RANBP2: variants seen among roughly 807,000 people sequenced by gnomAD.
RANBP2 encodes the protein E3 SUMO-protein ligase RanBP2.
In RANBP2, 57 loss-of-function variants were observed where a neutral mutation model predicts 303.6. The observed-to-expected ratio is 0.19, with a 90% CI of 0.15 to 0.23. RANBP2 has a LOEUF of 0.23. Among genes scored for constraint, RANBP2 ranks in the 10% least tolerant of loss-of-function variants. RANBP2 has a pLI of 1.00. For missense variants in RANBP2, 3,138 were observed against 3,780.8 expected, an observed-to-expected ratio of 0.83 and a Z score of 4.46; for synonymous variants, 1,167 against 1,301.5, an observed-to-expected ratio of 0.90 and a Z score of 2.23.
At chr2:109,568,985 A>G in the RANBP2 span, among the ~76,000 whole-genome samples, 11 of 152,342 alleles carry the variant, frequency 7.2e-5, no homozygotes, top group African/African-American at 1.7e-4. Context: ...ATCTAGTTCT[A>G]TAAGATTAAT....
chr2:108,940,280 C>T, the RANBP2 span: 1 of 152,462 alleles, frequency 6.6e-6, no homozygotes, highest in Non-Finnish European at 1.5e-5. Context: ...GCAGAAGGTG[C>T]CCACATGGGT....
At chr2:109,459,240 T>G in the RANBP2 span, among the ~76,000 whole-genome samples, 1 of 152,290 alleles carries the variant, frequency 6.6e-6, no homozygotes, top group African/African-American at 2.4e-5. Context: ...ATATACACAT[T>G]CACACAGACA....
the RANBP2 span, among the ~76,000 whole-genome samples, chr2:109,458,831 C>T: frequency 6.6e-6 from 1 of 152,208 alleles, no homozygotes; most frequent in Non-Finnish European, 1.5e-5. Flanking sequence ...TTAAGGTAAA[C>T]TGGCTGTAGA....
chr2:109,332,822 G>A, the RANBP2 span, among the ~76,000 whole-genome samples: 872 of 152,324 alleles, frequency 5.7e-3, 9 homozygotes, highest in African/African-American at 0.02. Flanking sequence ...CCTTTTTAAC[G>A]TGCACAGTAT....
the RANBP2 span, among the ~76,000 whole-genome samples, chr2:109,743,360 T>C: frequency 6.7e-6 from 1 of 148,936 alleles, no homozygotes. Context: ...AAATGCAAAA[T>C]GATAAAACTT....
At chr2:109,495,857 G>A in the RANBP2 span, among the ~76,000 whole-genome samples, 1 of 152,056 alleles carries the variant, frequency 6.6e-6, no homozygotes, top group South Asian at 2.1e-4. Flanking sequence ...ACATGTCTGG[G>A]TATAATACTT....
the RANBP2 span, among the ~76,000 whole-genome samples, chr2:109,307,525 A>C: frequency 6.9e-6 from 1 of 145,508 alleles, no homozygotes; most frequent in Non-Finnish European, 1.5e-5. Flanking sequence ...TGCACCCACT[A>C]ACTCGTCATC....
At chr2:109,548,776 A>T in the RANBP2 span, among the ~76,000 whole-genome samples, 24 of 9,502 alleles carry the variant, frequency 2.5e-3, no homozygotes, top group African/African-American at 0.014. Flanking sequence ...GCTCCATCTC[A>T]AAAAAAAAAA....
chr2:109,184,074 C>T, the RANBP2 span, among the ~76,000 whole-genome samples: 2 of 152,212 alleles, frequency 1.3e-5, no homozygotes, highest in African/African-American at 2.4e-5. Flanking sequence ...TCTCTGTGAA[C>T]GTGGGGTGTT....
At chr2:108,927,857 A>G in the RANBP2 span, among the ~76,000 whole-genome samples, 3 of 152,042 alleles carry the variant, frequency 2.0e-5, no homozygotes, top group African/African-American at 7.3e-5. Context: ...AAATGGCACT[A>G]TTTCCACATG....
chr2:109,533,531 G>A, the RANBP2 span, among the ~76,000 whole-genome samples: 14 of 152,268 alleles, frequency 9.2e-5, no homozygotes, highest in South Asian at 6.2e-4. Flanking sequence ...AGGAGGCTGC[G>A]GATGGGTAAA....
At chr2:109,766,664 A>G in the RANBP2 span, among the ~76,000 whole-genome samples, 1 of 148,550 alleles carries the variant, frequency 6.7e-6, no homozygotes, top group Admixed American at 7.0e-5. Flanking sequence ...ACACTTGAGC[A>G]ACTTGAACAA....
At chr2:109,352,226 A>G in the RANBP2 span, among the ~76,000 whole-genome samples, 1 of 152,348 alleles carries the variant, frequency 6.6e-6, no homozygotes. Flanking sequence ...TTCCTGTCTC[A>G]GGAAAAGTTG....
the RANBP2 span, among the ~76,000 whole-genome samples, chr2:109,729,817 G>A: frequency 1.3e-5 from 2 of 152,156 alleles, no homozygotes; most frequent in African/African-American, 2.4e-5. Flanking sequence ...CTGAGACTGG[G>A]TAATTTATAA....
the RANBP2 span, among the ~76,000 whole-genome samples, chr2:109,726,037 C>G: frequency 2.1e-5 from 3 of 144,952 alleles, no homozygotes; most frequent in Non-Finnish European, 4.5e-5. Context: ...CCAGCTGAGG[C>G]TGGTTTTTGT....
rs758152724 is a variant in RANBP2 at position 108,768,010 on chromosome 2, G to A, written c.7471G>A (p.Ala2491Thr). 1.2e-6 allele frequency: 2 copies of A among 1,611,742 alleles called. No homozygotes were observed. The highest frequency in any genetic ancestry group is 3.3e-5 in the Admixed American group (2 of 60,012). ...DVIQGDDVAD[A>T]TSEVEVSSTS... Reference sequence around the variant, plus strand: ...TATTCAGGGTGATGATGTAGCAGATGCAACTTCAGAAGTTGAAGTGTCTAG... The same window carrying A: ...TATTCAGGGTGATGATGTAGCAGATACAACTTCAGAAGTTGAAGTGTCTAG... The change falls in exon 20 of 29, where the codon GCA becomes ACA. Residue 2491 changes from alanine to threonine, a missense_variant. This residue lies in a region of RANBP2 where 497 missense variants were observed against 465.8 expected (regional missense o/e 1.07). Transcript: ENST00000283195.
At chr2:108,923,304 C>A in the RANBP2 span, 1 of 1,501,458 alleles carries the variant, frequency 6.7e-7, no homozygotes, top group South Asian at 1.1e-5. Flanking sequence ...TTCCTACACC[C>A]TCTGTAGTGA....
At chr2:109,540,213 A>G in the RANBP2 span, among the ~76,000 whole-genome samples, 4 of 152,246 alleles carry the variant, frequency 2.6e-5, 1 homozygote, top group Admixed American at 2.6e-4. Context: ...AGTCAACTCT[A>G]TGCTCCACAT....
the RANBP2 span, among the ~76,000 whole-genome samples, chr2:109,684,090 C>T: frequency 6.6e-6 from 1 of 151,372 alleles, no homozygotes; most frequent in South Asian, 2.1e-4. Context: ...TACAGCCATG[C>T]ACCATCATGC....
Sources: allele counts gnomAD v4.1 joint callset (sites outside exome capture counted in the v4.1 genomes callset), GRCh38; gene constraint gnomAD v4.1.1; regional missense constraint gnomAD v4.1.1; transcripts MANE v1.5; gene names NCBI Gene and HGNC (gene_info 2026-07-23, HGNC 2026-07-21).